TENM3: variants seen among roughly 807,000 people sequenced by gnomAD.
The protein encoded by TENM3 is teneurin transmembrane protein 3.
A neutral mutation model predicts 255.1 loss-of-function variants in TENM3; 63 were observed. That is an observed-to-expected ratio of 0.25 (90% CI 0.20 to 0.30). The LOEUF is 0.30. Ranked by LOEUF, TENM3 falls within the 10% of genes least tolerant of loss-of-function variation. TENM3 has a pLI of 1.00. For synonymous variants in TENM3, 1,306 were observed against 1,322.3 expected, an observed-to-expected ratio of 0.99 and a Z score of 0.27; for missense variants, 2,929 against 3,461.1, an observed-to-expected ratio of 0.85 and a Z score of 3.86.
In TENM3 at chr4:182,209,248, G is replaced by A. The variant is rs185084594; in HGVS notation, c.-76+64494G>A. 1.7e-4 allele frequency among the ~76,000 whole-genome samples: 26 copies of A among 151,048 alleles called. 1 individual carries two copies. Among genetic ancestry groups the A allele is most frequent in the South Asian group, 6.3e-4 (3 of 4,768 alleles). On this transcript the variant is annotated intron_variant, in intron 1 of 2. Coordinates refer to the TENM3 transcript ENST00000512480. ...CTCCCAAAGTGCTGGGATTACAGGC[G>A]TGAGCCACCGCATCCAGCCCAGCTG... is the stretch of plus-strand genomic sequence containing the variant.
At chr4:181,476,824 C>T in the TENM3 span, among the ~76,000 whole-genome samples, 1 of 152,118 alleles carries the variant, frequency 6.6e-6, no homozygotes, top group Non-Finnish European at 1.5e-5. Flanking sequence ...ATACAGAAGC[C>T]CTTTCTACCT....
At chr4:182,278,198 C>A (rs1261462257) in intron 1 of TENM3, among the ~76,000 whole-genome samples, 1 of 152,092 alleles carries the variant, frequency 6.6e-6, no homozygotes, top group African/African-American at 2.4e-5. Context: ...GGAACCCTGT[C>A]TCTACCAAAA....
At position 182,324,046 on chromosome 4, in the gene TENM3, A is replaced by C. The variant is rs920525624; in HGVS notation, c.26A>C (p.Tyr9Ser). Residue 9 changes from tyrosine to serine, a missense_variant, in exon 2 of 28, where the codon TAC becomes TCC. Around this residue, in one of 6 missense-constraint regions of TENM3, gnomAD observed 283 missense variants for 256.9 expected, o/e 1.10. Coordinates refer to ENST00000511685, the MANE Select transcript of TENM3 (RefSeq NM_001080477.4). The stretch of plus-strand genomic sequence containing the variant: ...ATGGATGTGAAAGAACGCAGGCCTT[A>C]CTGCTCCCTGACCAAGAGCAGACGA... MDVKERRP[Y>S]CSLTKSRREK... The C allele has an allele frequency of 8.7e-6, 14 of 1,613,956 alleles. No individual in the cohort carries two copies. The highest frequency in any genetic ancestry group is 1.2e-5 in the Non-Finnish European group (14 of 1,179,864).
At chr4:181,576,673 G>T in the TENM3 span, among the ~76,000 whole-genome samples, 2 of 152,054 alleles carry the variant, frequency 1.3e-5, no homozygotes, top group African/African-American at 4.8e-5. Context: ...GTATGTAAGG[G>T]AAAGTCACCC....
intron 13 of TENM3, among the ~76,000 whole-genome samples, chr4:182,723,670 T>G (rs1759924327): frequency 1.3e-5 from 2 of 152,070 alleles, no homozygotes; most frequent in African/African-American, 4.8e-5. Flanking sequence ...TTGTTTAAAT[T>G]TGCCAGAAAA....
chr4:181,463,822 C>A, the TENM3 span, among the ~76,000 whole-genome samples: 1 of 152,148 alleles, frequency 6.6e-6, no homozygotes, highest in Non-Finnish European at 1.5e-5. Flanking sequence ...TTCCCCTCCC[C>A]CAGTCTCTGG....
chr4:182,601,520 C>T lies in TENM3; in HGVS notation c.749+359C>T, dbSNP rs1747849357. 2.0e-5 allele frequency among the ~76,000 whole-genome samples: 3 copies of T among 152,192 alleles called. No homozygotes were observed. The South Asian group carries it at 6.2e-4, about 31-fold the overall frequency. On this transcript the variant is annotated intron_variant, in intron 4 of 27. Coordinates refer to ENST00000511685, the MANE Select transcript of TENM3 (RefSeq NM_001080477.4). ...ATGTAGTTTGATTCAGTGGACATGT[C>T]TGGCATCTTCTTGGTTCTAGACCTC...
the TENM3 span, among the ~76,000 whole-genome samples, chr4:181,829,525 C>G: frequency 6.6e-6 from 1 of 152,034 alleles, no homozygotes; most frequent in Non-Finnish European, 1.5e-5. Context: ...TAAAGTTGAT[C>G]AGGTTTAGGA....
intron 3 of TENM3, among the ~76,000 whole-genome samples, chr4:182,578,468 A>C: frequency 1.0e-5 from 1 of 95,882 alleles, no homozygotes; most frequent in Admixed American, 9.7e-5. Context: ...TAGCTGTGAT[A>C]GGTGCTTGAT....
intron 3 of TENM3, among the ~76,000 whole-genome samples, chr4:182,376,150 G>A (rs968021069): frequency 7.9e-5 from 12 of 152,210 alleles, no homozygotes; most frequent in African/African-American, 2.9e-4. Flanking sequence ...AATTGCTTCA[G>A]CAACATTTGC....
At chr4:182,684,522 T>C (rs568936983) in intron 11 of TENM3, among the ~76,000 whole-genome samples, 1 of 152,178 alleles carries the variant, frequency 6.6e-6, no homozygotes, top group African/African-American at 2.4e-5. Flanking sequence ...TGCCTCTGTT[T>C]CTTTATATGT....
chr4:181,891,725 C>T, the TENM3 span, among the ~76,000 whole-genome samples: 103 of 152,262 alleles, frequency 6.8e-4, no homozygotes, highest in African/African-American at 2.4e-3. Context: ...TTACAGAACA[C>T]GTCCAATCAG....
At chr4:181,472,688 A>G in the TENM3 span, among the ~76,000 whole-genome samples, 1 of 152,138 alleles carries the variant, frequency 6.6e-6, no homozygotes. Flanking sequence ...GAGTGTAAGC[A>G]TGTTCTTGTT....
intron 3 of TENM3, among the ~76,000 whole-genome samples, chr4:182,369,384 T>G (rs756911155): frequency 1.3e-5 from 2 of 152,202 alleles, no homozygotes; most frequent in African/African-American, 4.8e-5. Context: ...ACAGCCTAAT[T>G]CTAAAACCCG....
At chr4:182,077,476 TATC>T in the TENM3 span, among the ~76,000 whole-genome samples, 1 of 152,290 alleles carries the variant, frequency 6.6e-6, no homozygotes, top group Non-Finnish European at 1.5e-5. Flanking sequence ...CTAATGATTG[TATC>T]ATCATAAATT....
the TENM3 span, among the ~76,000 whole-genome samples, chr4:181,556,193 G>A: frequency 6.6e-6 from 1 of 151,992 alleles, no homozygotes; most frequent in Non-Finnish European, 1.5e-5. Context: ...TTATTATTTT[G>A]TATTTTCTTC....
intron 3 of TENM3, 134 bp downstream of exon 3, chr4:182,347,063 T>C: frequency 1.1e-6 from 1 of 870,512 alleles, no homozygotes; most frequent in Non-Finnish European, 1.7e-6. Context: ...GTCCATTTCT[T>C]TTTGTTTTAA....
At chr4:182,622,461 G>A (rs973335360) in intron 4 of TENM3, among the ~76,000 whole-genome samples, 1 of 152,200 alleles carries the variant, frequency 6.6e-6, no homozygotes, top group African/African-American at 2.4e-5. Context: ...TGTCTGATTT[G>A]AAGTCAGCCT....
the TENM3 span, among the ~76,000 whole-genome samples, chr4:181,585,768 A>C: frequency 0.01 from 1,581 of 152,306 alleles, 16 homozygotes; most frequent in South Asian, 0.021. Context: ...ACTCTCAACC[A>C]AAAAGTGAAA....
Sources: allele counts gnomAD v4.1 joint callset (sites outside exome capture counted in the v4.1 genomes callset), GRCh38; gene constraint gnomAD v4.1.1; regional missense constraint gnomAD v4.1.1; transcripts MANE v1.5; gene names NCBI Gene and HGNC (gene_info 2026-07-23, HGNC 2026-07-21).